Variants in USH1C observed in about 807,000 individuals in gnomAD.
USH1C encodes USH1 protein network component harmonin.
In USH1C, 90 loss-of-function variants were observed where a neutral mutation model predicts 119.3. That is an observed-to-expected ratio of 0.75 (90% CI 0.64 to 0.90). USH1C has a LOEUF of 0.90. Ranked by LOEUF, USH1C falls within the 40% of genes least tolerant of loss-of-function variation. The pLI, the probability that USH1C is intolerant of heterozygous loss-of-function variation, is 0.00. For synonymous variants in USH1C, 465 were observed against 443.3 expected (o/e 1.05, Z -0.62); for missense variants, 1,165 against 1,167.7 (o/e 1.00, Z 0.03).
At chr11:17,517,498 G>A in intron 14 of USH1C, 1 of 1,572,532 alleles carries the variant, frequency 6.4e-7, no homozygotes, top group Non-Finnish European at 8.6e-7. Flanking sequence ...AGAGGAGGAA[G>A]CTGGTGAACC....
intron 23 of USH1C, 125 bp downstream of exon 23, chr11:17,500,926 C>T (rs1045114482): frequency 6.0e-5 from 48 of 802,208 alleles, no homozygotes; most frequent in African/African-American, 4.6e-4. Context: ...TGGATGGACC[C>T]GAGTGGGAGG....
rs756485601 is a variant in USH1C, at chr11:17,523,236, A to G, written c.851T>C (p.Leu284Pro). ...AVNVLKSSRSLTISIVAAAGR... is the reference protein window; with the variant it reads ...AVNVLKSSRSPTISIVAAAGR... ...AGCTGCAGCTACAATGGAGATGGTC[A>G]GGCTGCGGCTACTCTTCAGCACATT... Residue 284 changes from leucine to proline, a missense_variant, in exon 11 of 27, where the codon CTG becomes CCG. Transcript: ENST00000005226. 1 of 1,614,186 alleles carries G rather than the reference A, an allele frequency of 6.2e-7. No homozygotes were observed. Among genetic ancestry groups the G allele is most frequent in the Non-Finnish European group, 8.5e-7 (1 of 1,180,018 alleles).
intron 20 of USH1C, among the ~76,000 whole-genome samples, 163 bp downstream of exon 20, chr11:17,504,483 AC>A (rs1481375503): frequency 6.6e-6 from 1 of 151,518 alleles, no homozygotes; most frequent in Admixed American, 6.6e-5. Context: ...ATCCTCCCCC[AC>A]CCCTGCGCAG....
rs1376879003 is a variant in USH1C, at chr11:17,509,631, G to C, written c.1738C>G (p.Pro580Ala). 8.2e-6 allele frequency: 13 copies of C among 1,594,114 alleles called. No homozygotes were observed. The highest frequency in any genetic ancestry group is 1.0e-5 in the Non-Finnish European group (12 of 1,174,546). Reference sequence around the variant, plus strand: ...ACATGGCCAGATAAGGGAAGGACAGGGGGCGCCGGGACCTTGTGGGGTGGG... The same window carrying C: ...ACATGGCCAGATAAGGGAAGGACAGCGGGCGCCGGGACCTTGTGGGGTGGG... ...SNPPHKVPAP[P>A]VLPLSGHVSA... The change falls in exon 18 of 27, where the codon CCT becomes GCT. Residue 580 changes from proline (P) to alanine (A), a missense_variant. By Grantham distance (27) the Pro-to-Ala change is conservative (BLOSUM62 -1). Transcript: ENST00000005226.
Position 17,527,250 on chromosome 11 carries a change from T to G in USH1C, c.469A>C (p.Lys157Gln), listed in dbSNP as rs778921099. 1 of 1,610,786 alleles carries G rather than the reference T, an allele frequency of 6.2e-7. No homozygotes were observed. Among genetic ancestry groups the G allele is most frequent in the African/African-American group, 1.3e-5 (1 of 74,408 alleles). Reference sequence around the variant, plus strand: ...CTCACTTTGATGGACACAGTTTTCTTGGTTCGAATGAGGTTGATGACCTCC... The same window carrying G: ...CTCACTTTGATGGACACAGTTTTCTGGGTTCGAATGAGGTTGATGACCTCC... ...HEEVINLIRTKKTVSIKVRHI... is the reference protein window; with the variant it reads ...HEEVINLIRTQKTVSIKVRHI... The change falls in exon 5 of 27, where the codon AAG (lysine) becomes CAG (glutamine). Residue 157 changes from lysine to glutamine, a missense_variant. Transcript: ENST00000005226.
chr11:17,503,114 C>G (rs755091045), intron 20 of USH1C, among the ~76,000 whole-genome samples: 43 of 152,240 alleles, frequency 2.8e-4, no homozygotes, highest in Non-Finnish European at 5.9e-4. Context: ...GCCTCAATCA[C>G]CCAGGCTCAA....
At chr11:17,543,289 G>C (rs568807666) in intron 1 of USH1C, among the ~76,000 whole-genome samples, 123 of 152,306 alleles carry the variant, frequency 8.1e-4, no homozygotes, top group African/African-American at 2.9e-3. Context: ...AAGAGGTTTG[G>C]CTTGGTCTAA....
chr11:17,521,206 G>T, intron 13 of USH1C, 140 bp downstream of exon 13: 1 of 1,068,092 alleles, frequency 9.4e-7, no homozygotes, highest in Non-Finnish European at 1.5e-6. Context: ...AATATGACAG[G>T]CTTTACTACA....
chr11:17,518,563 A>C (rs1385359506), intron 14 of USH1C, among the ~76,000 whole-genome samples: 1 of 152,218 alleles, frequency 6.6e-6, no homozygotes, highest in Non-Finnish European at 1.5e-5. Context: ...AGGGCTTGGC[A>C]AAATGTTGGG....
intron 14 of USH1C, 94 bp from the exon 15 acceptor site, chr11:17,516,384 A>T: frequency 7.9e-7 from 1 of 1,272,454 alleles, no homozygotes; most frequent in Non-Finnish European, 1.1e-6. Flanking sequence ...CAAGGAATGC[A>T]TGACTTTGTG....
intron 23 of USH1C, among the ~76,000 whole-genome samples, chr11:17,499,764 C>A (rs1443017818): frequency 2.0e-5 from 3 of 152,254 alleles, no homozygotes; most frequent in African/African-American, 7.2e-5. Flanking sequence ...TCCCAATGCC[C>A]ATACCTCACC....
In USH1C at chr11:17,543,421, C is replaced by G. The variant is rs534448383; in HGVS notation, c.36+851G>C. ...GGGAGCTCCAGATACCACCCACCCC[C>G]CCCAAGCGGCTTCATCCCCAGACTC... is the stretch of plus-strand genomic sequence containing the variant. On this transcript the variant is annotated intron_variant, in intron 1 of 26. Transcript: ENST00000005226. 3.3e-5 allele frequency among the ~76,000 whole-genome samples: 5 copies of G among 152,290 alleles called. No individual in the cohort carries two copies. The South Asian group carries it at 8.3e-4, about 25-fold the overall frequency.
intron 25 of USH1C, 97 bp from the exon 26 acceptor site, chr11:17,495,774 G>T (rs906664236): frequency 8.2e-6 from 11 of 1,335,452 alleles, no homozygotes; most frequent in Non-Finnish European, 1.2e-5. Flanking sequence ...TCCTGCCTCG[G>T]GTTCTGCCTA....
Position 17,531,639 on chromosome 11 carries a change from G to T in USH1C, c.105-97C>A. ...GAAGCCATTTCAGCCACTGGGCCCA[G>T]GCTTAGGAATGGAGTAGACCACTCC... On this transcript the variant is annotated intron_variant, in intron 2 of 26. Transcript: ENST00000005226. This position sits in a 1 kb window ranked among gnomAD's most constrained non-coding sequence, Gnocchi z 4.2. 1.3e-6 allele frequency: 2 copies of T among 1,527,052 alleles called. No homozygotes were observed. Among genetic ancestry groups the T allele is most frequent in the Non-Finnish European group, 8.9e-7 (1 of 1,127,690 alleles). The allele number at this position is 1,527,052 out of a possible 1,614,324, so 94.6% of individuals were successfully genotyped here. A position where few individuals can be genotyped will look rare whatever the true frequency, so the allele number is the denominator to read the frequency against.
Position 17,526,557 on chromosome 11 carries a change from T to G in USH1C, c.580-116A>C, listed in dbSNP as rs565051632. 7.1e-4 allele frequency: 813 copies of G among 1,146,038 alleles called. 4 individuals carry two copies. Among genetic ancestry groups the G allele is most frequent in the South Asian group, 2.5e-3 (190 of 76,174 alleles). 71.0% of individuals were successfully genotyped at this position (1,146,038 alleles called of 1,614,324 possible). On this transcript the variant is annotated intron_variant, in intron 7 of 26. Coordinates refer to ENST00000005226, the MANE Select transcript of USH1C (RefSeq NM_153676.4). The stretch of plus-strand genomic sequence containing the variant: ...GAACTCACGCCAGCCAGATCATCAT[T>G]CCGTCCCTGGGGATGTGTCTGCACC...
At chr11:17,526,165 C>T (rs538832969) in intron 8 of USH1C, among the ~76,000 whole-genome samples, 182 bp downstream of exon 8, 122 of 152,316 alleles carry the variant, frequency 8.0e-4, no homozygotes, top group African/African-American at 2.8e-3. Context: ...CATGCCACTG[C>T]ACTCCAGCCT....
chr11:17,523,479 C>A lies in USH1C; in HGVS notation c.760-1G>T, dbSNP rs1187887456. On this transcript the variant is annotated splice_acceptor_variant, in intron 9 of 26. Transcript: ENST00000005226. LOFTEE classifies it high-confidence loss of function. ...TGACTTCGACAATCTGGTCCCCTATCTGGTGGGGAAATGGAGAAAGATTAG... is the reference window on the plus strand; with the variant it reads ...TGACTTCGACAATCTGGTCCCCTATATGGTGGGGAAATGGAGAAAGATTAG... 3.1e-6 allele frequency: 5 copies of A among 1,614,038 alleles called. No homozygotes were observed. The highest frequency in any genetic ancestry group is 4.2e-6 in the Non-Finnish European group (5 of 1,180,002).
At chr11:17,521,519 C>T (rs1850413468) in intron 12 of USH1C, 108 bp from the exon 13 acceptor site, 2 of 1,170,456 alleles carry the variant, frequency 1.7e-6, no homozygotes, top group Admixed American at 3.5e-5. Flanking sequence ...CTCCAGGCTC[C>T]CTTCCTAGGA....
rs540170276 is a variant in USH1C at position 17,523,411 on chromosome 11, C to T, written c.819+8G>A. 6.2e-7 allele frequency: 1 copy of T among 1,614,218 alleles called. No homozygotes were observed. Among genetic ancestry groups the T allele is most frequent in the South Asian group, 1.1e-5 (1 of 91,082 alleles). ...AAGGGCCAACAGGTGAAGACCCCCA[C>T]ATCTCACCTCCTTGTGATCCAGGTT... is the stretch of plus-strand genomic sequence containing the variant. On this transcript the variant is annotated splice_region_variant and intron_variant, in intron 10 of 26. Transcript: ENST00000005226.
Sources: allele counts gnomAD v4.1 joint callset (sites outside exome capture counted in the v4.1 genomes callset), GRCh38; gene constraint gnomAD v4.1.1; non-coding constraint Gnocchi (gnomAD v3.1); transcripts MANE v1.5; gene names NCBI Gene and HGNC (gene_info 2026-07-23, HGNC 2026-07-21).